The following VSIG10L variants were observed in gnomAD, a reference collection of about 807,000 sequenced individuals.
The protein encoded by VSIG10L is V-set and immunoglobulin domain containing 10 like, also known as V-set and immunoglobulin domain-containing protein 10-like.
In VSIG10L, 63 loss-of-function variants were observed where a neutral mutation model predicts 67.3. That is an observed-to-expected ratio of 0.94 (90% CI 0.76 to 1.15). VSIG10L has a LOEUF of 1.15. Ranked by LOEUF, VSIG10L falls within the 50% of genes most tolerant of loss-of-function variation. The pLI, the probability that VSIG10L is intolerant of heterozygous loss-of-function variation, is 0.00. For synonymous variants in VSIG10L, 499 were observed against 524.9 expected (o/e 0.95, Z 0.67); for missense variants, 1,050 against 1,177.5 (o/e 0.89, Z 1.58).
At position 51,340,237 on chromosome 19, in the gene VSIG10L, CAAAG is replaced by C; in HGVS notation, c.1248_1251del (p.Phe417SerfsTer7). 1.3e-6 allele frequency: 2 copies of C among 1,511,344 alleles called. No homozygotes were observed. Among genetic ancestry groups the C allele is most frequent in the Non-Finnish European group, 1.8e-6 (2 of 1,137,460 alleles). The allele number at this position is 1,511,344 out of a possible 1,614,324, so 93.6% of individuals were successfully genotyped here. A position where few individuals can be genotyped will look rare whatever the true frequency, so the allele number is the denominator to read the frequency against. ...AAGGTCACGTTACTGCCCGCGGTGACAAAGCGGGCAGGCGCGGCGTCGCGGTCCG... is the reference window on the plus strand; with the variant it reads ...AAGGTCACGTTACTGCCCGCGGTGACCGGGCAGGCGCGGCGTCGCGGTCCG... On this transcript the variant is annotated frameshift_variant, in exon 4 of 10. Transcript: ENST00000335624. LOFTEE classifies it high-confidence loss of function. The surrounding 1 kb of genome is among the most constrained non-coding windows in gnomAD (Gnocchi z 6.3).
At chr19:51,339,945 T>TAGCCCCTCC in intron 4 of VSIG10L, 70 bp downstream of exon 4, 2 of 1,058,464 alleles carry the variant, frequency 1.9e-6, no homozygotes, top group Non-Finnish European at 2.3e-6. Flanking sequence ...GCCCCTTTCC[T>TAGCCCCTCC]CTAGCCCCGC....
At chr19:51,334,370 GC>G in intron 7 of VSIG10L, 66 bp from the exon 8 acceptor site, 1 of 1,447,838 alleles carries the variant, frequency 6.9e-7, no homozygotes, top group South Asian at 1.3e-5. Context: ...AGTTTCCTAA[GC>G]CCCCTAACTT....
chr19:51,338,607 G>C (rs1212879149), intron 5 of VSIG10L, among the ~76,000 whole-genome samples: 1 of 152,058 alleles, frequency 6.6e-6, no homozygotes, highest in African/African-American at 2.4e-5. Flanking sequence ...CGATTATTGC[G>C]CCCGGCCTTG....
chr19:51,332,839 T>TTTTATTTATTTATTTA (rs765529298), intron 9 of VSIG10L, among the ~76,000 whole-genome samples, 199 bp from the exon 10 acceptor site: 3 of 151,776 alleles, frequency 2.0e-5, no homozygotes, highest in African/African-American at 7.3e-5. Flanking sequence ...AGTTGTTATT[T>TTTTATTTATTTATTTA]TTTATTTATT....
At position 51,338,043 on chromosome 19, in the gene VSIG10L, T is replaced by C. The variant is rs1243499915; in HGVS notation, c.1895A>G (p.Gln632Arg). 6.4e-7 allele frequency: 1 copy of C among 1,551,642 alleles called. No homozygotes were observed. Among genetic ancestry groups the C allele is most frequent in the Admixed American group, 2.0e-5 (1 of 50,986 alleles). ...PGGGSRLRLS[Q>R]DGRKLHIGNF... ...GCCGATGTGGAGTTTCCGCCCATCT[T>C]GACTGAGCCGCAGGCGACTCCCGCC... Residue 632 changes from glutamine to arginine, a missense_variant, in exon 6 of 10, where the codon CAA becomes CGA. Around this residue, in one of 3 missense-constraint regions of VSIG10L, gnomAD observed 529 missense variants for 584.9 expected, o/e 0.90. Coordinates refer to ENST00000335624, the MANE Select transcript of VSIG10L (RefSeq NM_001163922.3).
chr19:51,333,659 G>T (rs1985409229), intron 9 of VSIG10L, 132 bp downstream of exon 9: 1 of 1,122,902 alleles, frequency 8.9e-7, no homozygotes, highest in South Asian at 2.0e-5. Flanking sequence ...TTTTTAAAAA[G>T]GATAAAGTTA....
chr19:51,337,546 T>TG lies in VSIG10L; in HGVS notation c.2009-13dup, dbSNP rs1427423265. The TG allele has an allele frequency of 8.2e-6, 9 of 1,102,864 alleles. No individual in the cohort carries two copies. Among genetic ancestry groups the TG allele is most frequent in the Non-Finnish European group, 1.0e-5 (9 of 885,662 alleles). 68.3% of individuals were successfully genotyped at this position (1,102,864 alleles called of 1,614,324 possible). A position where few individuals can be genotyped will look rare whatever the true frequency, so the allele number is the denominator to read the frequency against. ...GGATATGGAGGGTCCTAGAGGGATG[T>TG]GGGGGTGGCTGGATTCTTGGGTGCC... On this transcript the variant is annotated splice_polypyrimidine_tract_variant and intron_variant, in intron 6 of 9. Transcript: ENST00000335624.
At position 51,332,300 on chromosome 19, in the gene VSIG10L, GAGCAACAC is replaced by G; in HGVS notation, c.*303_*310del. The G allele has an allele frequency of 1.1e-5, 5 of 461,600 alleles. No homozygotes were observed. The highest frequency in any genetic ancestry group is 2.0e-5 in the Non-Finnish European group (5 of 248,784). 28.6% of individuals were successfully genotyped at this position (461,600 alleles called of 1,614,324 possible). A position where few individuals can be genotyped will look rare whatever the true frequency, so the allele number is the denominator to read the frequency against. On this transcript the variant is annotated 3_prime_UTR_variant, in exon 10 of 10. Coordinates refer to ENST00000335624, the MANE Select transcript of VSIG10L (RefSeq NM_001163922.3). ...ATGGCCAAGCTCCCTCTCTAGCTCAGAGCAACACAGCAAGCCCTGCCTGTCTGCTGCAG... is the reference window on the plus strand; with the variant it reads ...ATGGCCAAGCTCCCTCTCTAGCTCAGAGCAAGCCCTGCCTGTCTGCTGCAG...
In VSIG10L at chr19:51,340,574, C is replaced by G; in HGVS notation, c.1048G>C (p.Gly350Arg). The part of the protein sequence containing the change: ...GRALEAAESE[G>R]AETPRMRSEG... ...GAGCGCATCCGGGGCGTCTCGGCTC[C>G]CTCCGATTCCGCCGCCTCCAGGGCG... The change falls in exon 3 of 10, where the codon GGA becomes CGA. Residue 350 changes from glycine (G) to arginine (R), a missense_variant. Gly to Arg is a moderately radical substitution (Grantham distance 125). Coordinates refer to ENST00000335624, the MANE Select transcript of VSIG10L (RefSeq NM_001163922.3). This position sits in a 1 kb window ranked among gnomAD's most constrained non-coding sequence, Gnocchi z 6.3. The G allele has an allele frequency of 6.5e-7, 1 of 1,535,492 alleles. No homozygotes were observed. The highest frequency in any genetic ancestry group is 8.7e-7 in the Non-Finnish European group (1 of 1,146,166).
Position 51,338,871 on chromosome 19 carries a change from G to A in VSIG10L, c.1729+17C>T. ...CTCCTCCTCGAGAAACAGCAAAAAAGCCCCGCGCCCTCTCACCCGGCGTGA... is the reference window on the plus strand; with the variant it reads ...CTCCTCCTCGAGAAACAGCAAAAAAACCCCGCGCCCTCTCACCCGGCGTGA... On this transcript the variant is annotated intron_variant, in intron 5 of 9. Transcript: ENST00000335624. 7.3e-7 allele frequency: 1 copy of A among 1,362,394 alleles called. No individual in the cohort carries two copies. The highest frequency in any genetic ancestry group is 9.5e-7 in the Non-Finnish European group (1 of 1,049,782). 84.4% of individuals were successfully genotyped at this position (1,362,394 alleles called of 1,614,324 possible). A position where few individuals can be genotyped will look rare whatever the true frequency, so the allele number is the denominator to read the frequency against.
chr19:51,339,242 A>C, intron 4 of VSIG10L, 100 bp from the exon 5 acceptor site: 1 of 1,197,682 alleles, frequency 8.3e-7, no homozygotes, highest in Non-Finnish European at 1.1e-6. Flanking sequence ...CACTAGCCCC[A>C]CCCCATAGGC....
rs746382772 is a variant in VSIG10L at position 51,337,476 on chromosome 19, C to G, written c.2067G>C (p.Trp689Cys). 3.2e-6 allele frequency: 5 copies of G among 1,550,798 alleles called. No homozygotes were observed. In the African/African-American group the frequency reaches 6.8e-5, roughly 21 times the overall value. Reference protein sequence around the residue: ...QRARDAAVLTWDVERGALISS... With the variant: ...QRARDAAVLTCDVERGALISS... ...TGATCAGGGCCCCGCGCTCCACATC[C>G]CAAGTCAGCACGGCTGCATCTCTGG... Residue 689 changes from tryptophan to cysteine, a missense_variant, in exon 7 of 10, where the codon TGG becomes TGC. Physicochemically the swap from Trp to Cys is radical, Grantham distance 215. Around this residue, in one of 3 missense-constraint regions of VSIG10L, gnomAD observed 529 missense variants for 584.9 expected, o/e 0.90. Coordinates refer to ENST00000335624, the MANE Select transcript of VSIG10L (RefSeq NM_001163922.3).
At position 51,335,773 on chromosome 19, in the gene VSIG10L, G is replaced by A. The variant is rs146802076; in HGVS notation, c.2305+1465C>T. ...AAAATTCAAAAAAAATTAGCTGGGCGTGGTGGCTCACACCTGTAATCCCAG... is the reference window on the plus strand; with the variant it reads ...AAAATTCAAAAAAAATTAGCTGGGCATGGTGGCTCACACCTGTAATCCCAG... On this transcript the variant is annotated intron_variant, in intron 7 of 9. Coordinates refer to ENST00000335624, the MANE Select transcript of VSIG10L (RefSeq NM_001163922.3). 1.2e-3 allele frequency among the ~76,000 whole-genome samples: 181 copies of A among 152,228 alleles called. No individual in the cohort carries two copies. In the East Asian group the frequency reaches 0.029, roughly 25 times the overall value.
intron 7 of VSIG10L, 56 bp downstream of exon 7, chr19:51,337,182 G>A: frequency 6.7e-7 from 1 of 1,490,430 alleles, no homozygotes; most frequent in Non-Finnish European, 9.0e-7. Flanking sequence ...CTAAAACAGG[G>A]AGACACGGAG....
chr19:51,334,225 G>A lies in VSIG10L; in HGVS notation c.2385C>T (p.Leu795=), dbSNP rs1985426721. The change falls in exon 8 of 10, where the codon CTC becomes CTT. Residue 795 remains leucine (L), a synonymous_variant. Coordinates refer to ENST00000335624, the MANE Select transcript of VSIG10L (RefSeq NM_001163922.3). ...LLGLALLAVL[L]LLCICCLCRF... is the part of the protein sequence containing the mutation. Reference sequence around the variant, plus strand: ...GGCACAGGCAGCAGATGCAAAGGAGGAGAAGTACGGCTAGCAGCGCCAGGC... The same window carrying A: ...GGCACAGGCAGCAGATGCAAAGGAGAAGAAGTACGGCTAGCAGCGCCAGGC... 2.6e-6 allele frequency: 4 copies of A among 1,551,726 alleles called. No homozygotes were observed. Among genetic ancestry groups the A allele is most frequent in the Non-Finnish European group, 2.6e-6 (3 of 1,147,042 alleles).
intron 9 of VSIG10L, 58 bp downstream of exon 9, chr19:51,333,733 C>A (rs369544976): frequency 4.1e-6 from 6 of 1,479,794 alleles, no homozygotes; most frequent in Non-Finnish European, 3.6e-6. Flanking sequence ...ATCTCCCTGA[C>A]TGTAATACAA....
intron 7 of VSIG10L, among the ~76,000 whole-genome samples, chr19:51,336,374 T>C (rs1408665135): frequency 6.6e-6 from 1 of 152,014 alleles, no homozygotes; most frequent in African/African-American, 2.4e-5. Context: ...CTGGCCAACA[T>C]GGTGAAATCC....
intron 7 of VSIG10L, among the ~76,000 whole-genome samples, chr19:51,335,737 T>G (rs1489235322): frequency 1.3e-5 from 2 of 151,926 alleles, no homozygotes; most frequent in African/African-American, 2.4e-5. Flanking sequence ...GGCAAAATCC[T>G]GTCTCTGCTA....
Position 51,341,813 on chromosome 19 carries a change from T to C in VSIG10L, c.235A>G (p.Ser79Gly). 2 of 1,551,436 alleles carry C rather than the reference T, an allele frequency of 1.3e-6. No individual in the cohort carries two copies. Among genetic ancestry groups the C allele is most frequent in the East Asian group, 2.4e-5 (1 of 40,904 alleles). The change falls in exon 2 of 10, where the codon AGC becomes GGC. Residue 79 changes from serine (S) to glycine (G), a missense_variant. Ser to Gly is a moderately conservative substitution (Grantham distance 56). Coordinates refer to ENST00000335624, the MANE Select transcript of VSIG10L (RefSeq NM_001163922.3). Reference protein sequence around the residue: ...SKASAGISDSSWFPEALSSNM... With the variant: ...SKASAGISDSGWFPEALSSNM... ...GAACTCAGGGCCTCAGGAAACCAGC[T>C]GGAATCAGAGATTCCAGCAGAGGCT... is the stretch of plus-strand genomic sequence containing the variant.
Sources: gnomAD v4.1 joint callset for allele counts (sites outside exome capture counted in the v4.1 genomes callset) on GRCh38, gnomAD v4.1.1 for gene constraint, gnomAD v4.1.1 regional missense constraint, Gnocchi (gnomAD v3.1) non-coding constraint, MANE v1.5 for transcripts, NCBI Gene and HGNC (gene_info 2026-07-23, HGNC 2026-07-21) for gene names.